Variants in KCNJ16 observed in about 807,000 individuals in gnomAD.
The protein encoded by KCNJ16 is inward rectifier potassium channel 16.
In KCNJ16, 15 loss-of-function variants were observed where a neutral mutation model predicts 18.5. The observed-to-expected ratio is 0.81, with a 90% CI of 0.54 to 1.25. The LOEUF is 1.25. KCNJ16 is among the 50% of genes most tolerant of loss of function. KCNJ16 has a pLI of 0.00. For synonymous variants in KCNJ16, 174 were observed against 186.5 expected, an observed-to-expected ratio of 0.93 and a Z score of 0.55; for missense variants, 523 against 525.7, an observed-to-expected ratio of 0.99 and a Z score of 0.05.
At chr17:70,087,837 A>T (rs1049626286) in intron 1 of KCNJ16, among the ~76,000 whole-genome samples, 24 of 152,142 alleles carry the variant, frequency 1.6e-4, no homozygotes, top group African/African-American at 5.1e-4. Context: ...GAATAAAACA[A>T]GAATAAGAAA....
At chr17:70,097,849 G>A (rs1003083599) in intron 1 of KCNJ16, among the ~76,000 whole-genome samples, 13 of 151,764 alleles carry the variant, frequency 8.6e-5, no homozygotes, top group African/African-American at 3.1e-4. Context: ...TCTAATTATT[G>A]TTGATTCTGA....
chr17:70,106,863 C>T (rs2190608), intron 2 of KCNJ16, among the ~76,000 whole-genome samples: 26,486 of 151,980 alleles, frequency 0.17, 2,721 homozygotes, highest in African/African-American at 0.29. Flanking sequence ...TTCTTTTGTG[C>T]GTGCATAGTT....
At chr17:70,077,125 A>G (rs2071348647) in intron 1 of KCNJ16, among the ~76,000 whole-genome samples, 1 of 152,248 alleles carries the variant, frequency 6.6e-6, no homozygotes, top group Non-Finnish European at 1.5e-5. Context: ...GCGAGTTAAC[A>G]AAACAGCAAA....
At chr17:70,098,399 A>AT (rs1352634487) in intron 1 of KCNJ16, among the ~76,000 whole-genome samples, 1 of 152,232 alleles carries the variant, frequency 6.6e-6, no homozygotes, top group Non-Finnish European at 1.5e-5. Context: ...TTGAATATTC[A>AT]TAACATTTTA....
rs2074182741 is a variant in KCNJ16 at position 70,135,101 on chromosome 17, T to C, written c.*1757T>C. The stretch of plus-strand genomic sequence containing the variant: ...CCTCTTGTTTTATGGATAAGAGATT[T>C]GTTCAGGTCAAAAGTTGCAAAACTG... On this transcript the variant is annotated 3_prime_UTR_variant, in exon 4 of 4. Transcript: ENST00000392671. 1 of 166,126 alleles carries C rather than the reference T, an allele frequency of 6.0e-6. No homozygotes were observed. The allele number at this position is 166,126 out of a possible 1,614,324, so 10.3% of individuals were successfully genotyped here.
At chr17:70,097,024 G>A in intron 1 of KCNJ16, 1 of 393,868 alleles carries the variant, frequency 2.5e-6, no homozygotes, top group Non-Finnish European at 4.5e-6. Flanking sequence ...AATCTCCATG[G>A]TGAAATGCTC....
rs59552356 is a variant in KCNJ16 at position 70,131,206 on chromosome 17, A to AAG, written c.-94+232_-94+233insGA. ...GAGCTGCCAGTGTCAAAAAAAAAAA[A>AAG]AAAGAAAGAAAGAAAAGAAAAAAAA... On this transcript the variant is annotated intron_variant, in intron 3 of 3. Coordinates refer to ENST00000392671, the MANE Select transcript of KCNJ16 (RefSeq NM_170741.4). 2,247 of 744,908 alleles carry AAG rather than the reference A, an allele frequency of 3.0e-3. 44 individuals carry two copies. In the African/African-American group the frequency reaches 0.037, roughly 12 times the overall value. The allele number at this position is 744,908 out of a possible 1,614,324, so 46.1% of individuals were successfully genotyped here. A position where few individuals can be genotyped will look rare whatever the true frequency, so the allele number is the denominator to read the frequency against.
At chr17:70,079,715 T>C (rs957503912) in intron 1 of KCNJ16, among the ~76,000 whole-genome samples, 1 of 152,234 alleles carries the variant, frequency 6.6e-6, no homozygotes, top group Non-Finnish European at 1.5e-5. Flanking sequence ...TTTATTTTTA[T>C]GTTTTTAGAT....
At chr17:70,086,067 G>T (rs548164188) in intron 1 of KCNJ16, among the ~76,000 whole-genome samples, 2 of 152,092 alleles carry the variant, frequency 1.3e-5, no homozygotes, top group Non-Finnish European at 2.9e-5. Flanking sequence ...TAAAATTAGA[G>T]CCCAATAGGC....
At chr17:70,129,244 T>TTACG (rs139129044) in intron 2 of KCNJ16, among the ~76,000 whole-genome samples, 9,364 of 152,234 alleles carry the variant, frequency 0.062, 342 homozygotes, top group South Asian at 0.12. Flanking sequence ...GACAAGAAAA[T>TTACG]TACGAAAGCA....
intron 2 of KCNJ16, among the ~76,000 whole-genome samples, chr17:70,103,937 C>CT (rs71149820): frequency 0.77 from 101,242 of 131,954 alleles, 39,004 homozygotes; most frequent in East Asian, 0.94. Flanking sequence ...ATTTTATTAT[C>CT]TTTTTTTTTT....
At chr17:70,113,621 T>C (rs1190062835) in intron 2 of KCNJ16, among the ~76,000 whole-genome samples, 1 of 152,156 alleles carries the variant, frequency 6.6e-6, no homozygotes, top group Non-Finnish European at 1.5e-5. Flanking sequence ...CAAACTCAGT[T>C]CTTAGTTGCC....
intron 1 of KCNJ16, among the ~76,000 whole-genome samples, chr17:70,083,535 C>G (rs925366041): frequency 6.6e-6 from 1 of 152,036 alleles, no homozygotes; most frequent in Non-Finnish European, 1.5e-5. Context: ...GTGTTACAAT[C>G]ATGTACAGCA....
At chr17:70,114,739 T>C (rs1209212686) in intron 2 of KCNJ16, among the ~76,000 whole-genome samples, 4 of 152,098 alleles carry the variant, frequency 2.6e-5, no homozygotes, top group Non-Finnish European at 5.9e-5. Flanking sequence ...CTGAAACAAG[T>C]CTGGGAAATT....
Position 70,132,054 on chromosome 17 carries a change from A to G in KCNJ16, c.-34A>G, listed in dbSNP as rs769630154. 3.1e-6 allele frequency: 5 copies of G among 1,613,618 alleles called. No individual in the cohort carries two copies. Among genetic ancestry groups the G allele is most frequent in the Middle Eastern group, 1.6e-4 (1 of 6,062 alleles). ...CAAGTCTAGAATTCTTACTACTACA[A>G]AACTCACCTGGATCCCTAAGGGCAC... On this transcript the variant is annotated 5_prime_UTR_variant, in exon 4 of 4. Coordinates refer to ENST00000392671, the MANE Select transcript of KCNJ16 (RefSeq NM_170741.4).
At position 70,132,838 on chromosome 17, in the gene KCNJ16, G is replaced by GT. The variant is rs763833966; in HGVS notation, c.752dup (p.Thr252AsnfsTer5). On this transcript the variant is annotated frameshift_variant, in exon 4 of 4. Transcript: ENST00000392671. LOFTEE classifies it high-confidence loss of function. ...CGACCAAATCATCCTGGTCACCCCG[G>GT]TAACTATTGTCCATGAAATTGACCA... is the stretch of plus-strand genomic sequence containing the variant. 2.5e-6 allele frequency: 4 copies of GT among 1,613,992 alleles called. No homozygotes were observed. Among genetic ancestry groups the GT allele is most frequent in the Non-Finnish European group, 3.4e-6 (4 of 1,180,036 alleles).
intron 1 of KCNJ16, among the ~76,000 whole-genome samples, chr17:70,083,553 C>G (rs1171634206): frequency 6.6e-6 from 1 of 152,074 alleles, no homozygotes; most frequent in Admixed American, 6.6e-5. Context: ...GCATTCAGTA[C>G]AGTCACATGC....
chr17:70,088,234 G>C (rs78125850), intron 1 of KCNJ16, among the ~76,000 whole-genome samples: 1 of 152,008 alleles, frequency 6.6e-6, no homozygotes, highest in African/African-American at 2.4e-5. Context: ...GGAGGAGAGA[G>C]GGGATATGAA....
chr17:70,103,321 T>TACACACAC (rs1321986647), intron 2 of KCNJ16, among the ~76,000 whole-genome samples: 1 of 44,488 alleles, frequency 2.2e-5, no homozygotes, highest in Non-Finnish European at 5.2e-5. Context: ...TATATATATA[T>TACACACAC]ACACACACAT....
Sources: allele counts gnomAD v4.1 joint callset (sites outside exome capture counted in the v4.1 genomes callset), GRCh38; gene constraint gnomAD v4.1.1; transcripts MANE v1.5; gene names NCBI Gene and HGNC (gene_info 2026-07-23, HGNC 2026-07-21).